Variants in MAPK10 observed in about 807,000 individuals in gnomAD.
MAPK10 encodes the protein JNK3 alpha protein kinase.
In MAPK10, 25 loss-of-function variants were observed where a neutral mutation model predicts 59.3. That is an observed-to-expected ratio of 0.42 (90% CI 0.31 to 0.59). The LOEUF is 0.59. Ranked by LOEUF, MAPK10 falls within the 20% of genes least tolerant of loss-of-function variation. The probability of loss-of-function intolerance (pLI) is 0.15; values close to 1 mark genes in which losing one functional copy is unlikely to be tolerated. For synonymous variants in MAPK10, 190 were observed against 200.5 expected, an observed-to-expected ratio of 0.95 and a Z score of 0.44; for missense variants, 351 against 568.9, an observed-to-expected ratio of 0.62 and a Z score of 3.90.
At chr4:86,528,714 C>G (rs1295027745) in intron 1 of MAPK10, among the ~76,000 whole-genome samples, 1 of 152,174 alleles carries the variant, frequency 6.6e-6, no homozygotes, top group Non-Finnish European at 1.5e-5. Context: ...AACTTAGACA[C>G]ACAGTGGTTT....
intron 4 of MAPK10, among the ~76,000 whole-genome samples, chr4:86,109,726 T>C (rs2057155588): frequency 6.6e-6 from 1 of 152,206 alleles, no homozygotes; most frequent in South Asian, 2.1e-4. Flanking sequence ...AACAGAATGA[T>C]TTATATTCCT....
At chr4:86,110,859 C>T (rs1238438176) in intron 4 of MAPK10, among the ~76,000 whole-genome samples, 1 of 152,116 alleles carries the variant, frequency 6.6e-6, no homozygotes, top group African/African-American at 2.4e-5. Context: ...TCTTCCTATC[C>T]ATGAGCACGG....
chr4:86,405,466 T>C (rs1744250681), intron 1 of MAPK10, among the ~76,000 whole-genome samples: 1 of 152,184 alleles, frequency 6.6e-6, no homozygotes, highest in South Asian at 2.1e-4. Flanking sequence ...CCAGTATAAT[T>C]TGATTTTGAA....
chr4:86,027,398 A>T (rs1166181840), intron 13 of MAPK10: 1 of 152,198 alleles, frequency 6.6e-6, no homozygotes, highest in Non-Finnish European at 1.5e-5. Context: ...CCTGCAAAAC[A>T]TCCATGAATA....
chr4:86,094,498 A>G (rs1032395620), intron 9 of MAPK10, among the ~76,000 whole-genome samples: 6 of 151,966 alleles, frequency 3.9e-5, no homozygotes, highest in African/African-American at 1.4e-4. Flanking sequence ...GAACTTAGAT[A>G]AAGGGACATC....
At chr4:86,556,114 G>T (rs1760248851) in intron 1 of MAPK10, among the ~76,000 whole-genome samples, 1 of 152,158 alleles carries the variant, frequency 6.6e-6, no homozygotes, top group Admixed American at 6.5e-5. Flanking sequence ...TCAGAAATAG[G>T]TGGGAAATGA....
At chr4:86,090,957 T>C (rs1178036726) in intron 9 of MAPK10, 1 of 152,158 alleles carries the variant, frequency 6.6e-6, no homozygotes, top group Non-Finnish European at 1.5e-5. Flanking sequence ...TATTCATCTT[T>C]TTCTGCTAGA....
chr4:86,140,725 A>G (rs2063462124), intron 4 of MAPK10, among the ~76,000 whole-genome samples: 1 of 152,106 alleles, frequency 6.6e-6, no homozygotes, highest in African/African-American at 2.4e-5. Flanking sequence ...ATGCATTCTG[A>G]TTTCAACCAG....
chr4:86,293,480 T>C (rs967717189), intron 2 of MAPK10, among the ~76,000 whole-genome samples: 1 of 152,220 alleles, frequency 6.6e-6, no homozygotes, highest in African/African-American at 2.4e-5. Flanking sequence ...ACCCTGCTTA[T>C]ACCCCCTTGG....
intron 1 of MAPK10, among the ~76,000 whole-genome samples, chr4:86,489,874 C>G (rs564500301): frequency 6.6e-6 from 1 of 152,320 alleles, no homozygotes; most frequent in East Asian, 1.9e-4. Flanking sequence ...TCTTCCAACT[C>G]ATTCTCTGAA....
At chr4:86,317,878 C>G (rs1257343046) in intron 2 of MAPK10, among the ~76,000 whole-genome samples, 2 of 152,170 alleles carry the variant, frequency 1.3e-5, no homozygotes, top group Non-Finnish European at 2.9e-5. Flanking sequence ...AGGCTATCGG[C>G]AGGACCATGC....
At position 86,048,528 on chromosome 4, in the gene MAPK10, C is replaced by T. The variant is rs567407998; in HGVS notation, c.1110+15738G>A. On this transcript the variant is annotated intron_variant, in intron 11 of 13. Transcript: ENST00000641462. ...TTGCTGAGTTAGTCTATTAAAGCCACATGTCATTTGCACTTTTGCCCTACA... is the reference window on the plus strand; with the variant it reads ...TTGCTGAGTTAGTCTATTAAAGCCATATGTCATTTGCACTTTTGCCCTACA... 1.5e-4 allele frequency among the ~76,000 whole-genome samples: 23 copies of T among 152,166 alleles called. 1 individual carries two copies. The highest frequency in any genetic ancestry group is 1.2e-3 in the Admixed American group (18 of 15,254).
chr4:86,052,796 GC>G (rs2043830113), intron 11 of MAPK10, among the ~76,000 whole-genome samples: 1 of 152,100 alleles, frequency 6.6e-6, no homozygotes, highest in South Asian at 2.1e-4. Context: ...CCAGGTTTAA[GC>G]CATTCTCCCA....
chr4:86,481,446 C>A (rs1753609677), intron 1 of MAPK10, among the ~76,000 whole-genome samples: 2 of 149,884 alleles, frequency 1.3e-5, no homozygotes, highest in South Asian at 4.3e-4. Context: ...AAAAAAAAAA[C>A]CATTGCCACT....
At chr4:86,183,104 T>C (rs1159042579) in intron 3 of MAPK10, among the ~76,000 whole-genome samples, 1 of 151,806 alleles carries the variant, frequency 6.6e-6, no homozygotes, top group Non-Finnish European at 1.5e-5. Context: ...TTGAAATATG[T>C]AAAACATTAA....
chr4:86,332,148 A>AAC (rs764584545), intron 2 of MAPK10, among the ~76,000 whole-genome samples: 1 of 152,168 alleles, frequency 6.6e-6, no homozygotes, highest in African/African-American at 2.4e-5. Context: ...CAAATATTTC[A>AAC]ACACACACAA....
At chr4:86,344,486 A>C (rs1726924444) in intron 2 of MAPK10, among the ~76,000 whole-genome samples, 1 of 150,476 alleles carries the variant, frequency 6.6e-6, no homozygotes, top group Non-Finnish European at 1.5e-5. Context: ...TTCTCTCCCC[A>C]CCTCCAAAGC....
At chr4:86,334,272 T>C (rs1167992807) in intron 2 of MAPK10, among the ~76,000 whole-genome samples, 2 of 152,314 alleles carry the variant, frequency 1.3e-5, no homozygotes, top group Middle Eastern at 6.8e-3. Context: ...AGATTCTACC[T>C]ACCTCCTTAC....
At chr4:86,163,476 A>G (rs1458335734) in intron 3 of MAPK10, among the ~76,000 whole-genome samples, 1 of 152,148 alleles carries the variant, frequency 6.6e-6, no homozygotes, top group Non-Finnish European at 1.5e-5. Context: ...CTAGTTATAC[A>G]TTTTAGTGTT....
Sources: allele counts gnomAD v4.1 joint callset (sites outside exome capture counted in the v4.1 genomes callset), GRCh38; gene constraint gnomAD v4.1.1; transcripts MANE v1.5; gene names NCBI Gene and HGNC (gene_info 2026-07-23, HGNC 2026-07-21).